Variants in TTC39C observed in about 807,000 individuals in gnomAD.
The protein encoded by TTC39C is tetratricopeptide repeat protein 39C.
TTC39C carries 33 observed loss-of-function variants against 76.3 expected under a neutral mutation model. The ratio of observed to expected loss-of-function variants is 0.43; its 90% CI spans 0.33 to 0.58. The LOEUF is 0.58. Among genes scored for constraint, TTC39C ranks in the 20% least tolerant of loss-of-function variants. TTC39C has a pLI of 0.04. For synonymous variants in TTC39C, 254 were observed against 260.6 expected, an observed-to-expected ratio of 0.97 and a Z score of 0.24; for missense variants, 595 against 701.4, an observed-to-expected ratio of 0.85 and a Z score of 1.71.
intron 1 of TTC39C, among the ~76,000 whole-genome samples, chr18:24,000,127 A>G (rs943065699): frequency 1.3e-5 from 2 of 152,182 alleles, no homozygotes; most frequent in African/African-American, 4.8e-5. Flanking sequence ...GCATGCCTCC[A>G]AAGAGCACAG....
At chr18:24,126,062 C>T (rs1599351606) in intron 10 of TTC39C, among the ~76,000 whole-genome samples, 1 of 152,112 alleles carries the variant, frequency 6.6e-6, no homozygotes, top group East Asian at 1.9e-4. Flanking sequence ...TGGTGTGCAC[C>T]TATAGTCCCA....
intron 1 of TTC39C, among the ~76,000 whole-genome samples, chr18:24,057,901 T>C (rs968312849): frequency 1.3e-5 from 2 of 152,192 alleles, no homozygotes; most frequent in African/African-American, 4.8e-5. Context: ...AGCAAAGACA[T>C]AGAGTCAACC....
chr18:24,031,056 C>T (rs901019500), intron 1 of TTC39C, among the ~76,000 whole-genome samples: 20 of 152,050 alleles, frequency 1.3e-4, no homozygotes, highest in African/African-American at 4.6e-4. Context: ...AAGTGATTCT[C>T]ATGCCTCAGA....
At chr18:24,003,200 T>C (rs1321015443) in intron 1 of TTC39C, among the ~76,000 whole-genome samples, 1 of 152,152 alleles carries the variant, frequency 6.6e-6, no homozygotes, top group Non-Finnish European at 1.5e-5. Context: ...ATGCCATTGC[T>C]CCTCTGCCTG....
chr18:24,119,897 T>G (rs374636693), intron 8 of TTC39C, among the ~76,000 whole-genome samples: 71 of 152,258 alleles, frequency 4.7e-4, no homozygotes, highest in African/African-American at 1.7e-3. Flanking sequence ...CAGCTATTTA[T>G]TTTTTCATCT....
At chr18:24,057,596 A>C (rs1201023945) in intron 1 of TTC39C, among the ~76,000 whole-genome samples, 1 of 152,142 alleles carries the variant, frequency 6.6e-6, no homozygotes, top group Non-Finnish European at 1.5e-5. Context: ...TCTTTCACTC[A>C]ATGTTATTGC....
chr18:24,109,042 T>C (rs185144725), intron 6 of TTC39C, among the ~76,000 whole-genome samples: 2 of 152,072 alleles, frequency 1.3e-5, no homozygotes, highest in Non-Finnish European at 2.9e-5. Context: ...TAAATGAAAT[T>C]TATTTCAACA....
At chr18:24,042,555 G>C (rs751216108) in intron 1 of TTC39C, among the ~76,000 whole-genome samples, 3 of 152,166 alleles carry the variant, frequency 2.0e-5, no homozygotes, top group Non-Finnish European at 4.4e-5. Flanking sequence ...TGGACCCTGC[G>C]ACCCAGGGGT....
chr18:24,106,028 C>G (rs2084741871), intron 6 of TTC39C, among the ~76,000 whole-genome samples: 1 of 152,206 alleles, frequency 6.6e-6, no homozygotes, highest in Non-Finnish European at 1.5e-5. Flanking sequence ...GCCTCCGCAT[C>G]TGCATTCTCC....
chr18:24,120,581 GTGT>G (rs2084953234), intron 8 of TTC39C, among the ~76,000 whole-genome samples: 1 of 151,930 alleles, frequency 6.6e-6, no homozygotes, highest in Non-Finnish European at 1.5e-5. Context: ...ACTTTTTTAG[GTGT>G]ATGTGTCAGT....
chr18:24,074,550 A>G (rs146816633), intron 4 of TTC39C, among the ~76,000 whole-genome samples: 3 of 152,324 alleles, frequency 2.0e-5, no homozygotes, highest in East Asian at 3.9e-4. Flanking sequence ...ACATGAAAAA[A>G]TGCTCATCAT....
intron 8 of TTC39C, among the ~76,000 whole-genome samples, chr18:24,119,717 T>C (rs1050372959): frequency 1.4e-4 from 21 of 152,208 alleles, no homozygotes; most frequent in African/African-American, 4.8e-4. Flanking sequence ...AGGATTGTTG[T>C]ATAGAATTTG....
chr18:24,071,568 T>C (rs1474968164), intron 4 of TTC39C, among the ~76,000 whole-genome samples: 1 of 152,230 alleles, frequency 6.6e-6, no homozygotes, highest in Non-Finnish European at 1.5e-5. Flanking sequence ...TTTTGTATCT[T>C]GTTTTTTCTT....
At chr18:24,104,688 T>TTGTGTG (rs10661950) in intron 6 of TTC39C, among the ~76,000 whole-genome samples, 14,104 of 144,734 alleles carry the variant, frequency 0.097, 731 homozygotes, top group Non-Finnish European at 0.13. Context: ...AGCAGGGTGT[T>TTGTGTG]TGTGTGTGTG....
At chr18:24,059,288 G>A (rs1419120172) in intron 1 of TTC39C, among the ~76,000 whole-genome samples, 1 of 152,172 alleles carries the variant, frequency 6.6e-6, no homozygotes, top group East Asian at 1.9e-4. Context: ...ATGGAGATTT[G>A]TTGTACAGAT....
intron 7 of TTC39C, chr18:24,115,024 A>G (rs76484874): frequency 0.073 from 13,674 of 186,284 alleles, 658 homozygotes; most frequent in Non-Finnish European, 0.11. Context: ...TTTTTCACCA[A>G]CTAGCTCTGA....
Position 24,066,152 on chromosome 18 carries a change from G to A in TTC39C, c.345+12G>A, listed in dbSNP as rs778901933. 14 of 1,591,884 alleles carry A rather than the reference G, an allele frequency of 8.8e-6. No individual in the cohort carries two copies. In the Admixed American group the frequency reaches 1.1e-4, roughly 13 times the overall value. On this transcript the variant is annotated intron_variant, in intron 3 of 13. Transcript: ENST00000317571. ...AAATTAAGAAGAACGTAAGTATTGC[G>A]GCTTTAGGTTGTGGACTGTGTGCCA...
intron 1 of TTC39C, among the ~76,000 whole-genome samples, chr18:24,029,024 T>C (rs965754735): frequency 1.3e-5 from 2 of 152,122 alleles, no homozygotes; most frequent in Non-Finnish European, 2.9e-5. Context: ...CGCCCCTACG[T>C]AATATTTTTA....
chr18:24,099,719 C>T (rs2084653526), intron 6 of TTC39C, among the ~76,000 whole-genome samples: 1 of 152,112 alleles, frequency 6.6e-6, no homozygotes. Flanking sequence ...ATTAAACTGC[C>T]ATTAAACATT....
Sources: gnomAD v4.1 joint callset for allele counts (sites outside exome capture counted in the v4.1 genomes callset) on GRCh38, gnomAD v4.1.1 for gene constraint, MANE v1.5 for transcripts, NCBI Gene and HGNC (gene_info 2026-07-23, HGNC 2026-07-21) for gene names.